Variants in RIC8B observed in about 807,000 individuals in gnomAD.
RIC8B encodes chaperone Ric-8B.
In RIC8B, 16 loss-of-function variants were observed where a neutral mutation model predicts 57.5. The observed-to-expected ratio is 0.28, with a 90% CI of 0.19 to 0.42. The LOEUF (loss-of-function observed/expected upper bound fraction) is 0.42. RIC8B is among the 10% of genes least tolerant of loss of function. The pLI is 1.00. For missense variants in RIC8B, 481 were observed against 677.0 expected, an observed-to-expected ratio of 0.71 and a Z score of 3.21; for synonymous variants, 216 against 250.8, an observed-to-expected ratio of 0.86 and a Z score of 1.31.
In RIC8B at chr12:106,794,383, A is replaced by G. The variant is rs1350021872; in HGVS notation, c.132+10339A>G. 3.9e-5 allele frequency among the ~76,000 whole-genome samples: 6 copies of G among 152,316 alleles called. No homozygotes were observed. The East Asian group carries it at 9.6e-4, about 24-fold the overall frequency. On this transcript the variant is annotated intron_variant, in intron 2 of 9. Transcript: ENST00000392837. The stretch of plus-strand genomic sequence containing the variant: ...AGGAGAGGAGAGAGAAAGAAAGGAG[A>G]AGAAAAATATATTTGAAGAAATAAT...
chr12:106,805,622 G>C (rs987409697), intron 2 of RIC8B, among the ~76,000 whole-genome samples: 6 of 152,126 alleles, frequency 3.9e-5, no homozygotes, highest in African/African-American at 1.2e-4. Flanking sequence ...TTCTGGTCCT[G>C]CTCCCCTTTT....
chr12:106,825,406 T>A (rs1461641670), intron 3 of RIC8B, among the ~76,000 whole-genome samples: 5 of 152,214 alleles, frequency 3.3e-5, no homozygotes, highest in African/African-American at 7.2e-5. Flanking sequence ...ACTTTTATAA[T>A]GGTTAGTAAA....
intron 2 of RIC8B, among the ~76,000 whole-genome samples, chr12:106,805,581 G>A (rs1207604469): frequency 1.3e-5 from 2 of 152,094 alleles, no homozygotes; most frequent in Admixed American, 6.5e-5. Flanking sequence ...CCCTCACTAG[G>A]ATTACTGCAA....
chr12:106,847,779 C>A (rs1251351991), intron 6 of RIC8B, among the ~76,000 whole-genome samples: 1 of 152,186 alleles, frequency 6.6e-6, no homozygotes, highest in East Asian at 1.9e-4. Flanking sequence ...GACTTCGTGT[C>A]TGCCCTCATT....
intron 1 of RIC8B, among the ~76,000 whole-genome samples, chr12:106,782,552 T>G (rs2043813653): frequency 6.6e-6 from 1 of 152,232 alleles, no homozygotes; most frequent in Non-Finnish European, 1.5e-5. Flanking sequence ...CCTGGTTGCC[T>G]GTCACCTATT....
intron 2 of RIC8B, among the ~76,000 whole-genome samples, chr12:106,806,438 C>G (rs1383160473): frequency 6.6e-6 from 1 of 152,174 alleles, no homozygotes; most frequent in Non-Finnish European, 1.5e-5. Flanking sequence ...ATCAGTTTTT[C>G]TTCCCCACAG....
At chr12:106,868,918 C>T (rs142042191) in intron 8 of RIC8B, among the ~76,000 whole-genome samples, 19 of 131,340 alleles carry the variant, frequency 1.4e-4, no homozygotes, top group African/African-American at 5.2e-4. Flanking sequence ...CAAAGTTTCT[C>T]AAGTGATTCT....
At chr12:106,877,751 G>A (rs1258330039) in intron 9 of RIC8B, among the ~76,000 whole-genome samples, 3 of 152,122 alleles carry the variant, frequency 2.0e-5, no homozygotes, top group Admixed American at 1.3e-4. Flanking sequence ...CCGCAGCCCA[G>A]GACGCTTTTG....
chr12:106,801,866 G>T (rs1239813161), intron 2 of RIC8B, among the ~76,000 whole-genome samples: 2 of 152,162 alleles, frequency 1.3e-5, no homozygotes, highest in South Asian at 2.1e-4. Context: ...GCTTATTTTA[G>T]AATTTAATAC....
chr12:106,842,735 A>G lies in RIC8B; in HGVS notation c.983A>G (p.Lys328Arg), dbSNP rs1949013282. The G allele has an allele frequency of 1.2e-6, 2 of 1,613,884 alleles. No individual in the cohort carries two copies. Among genetic ancestry groups the G allele is most frequent in the South Asian group, 1.1e-5 (1 of 91,076 alleles). The change falls in exon 5 of 10, where the codon AAA (lysine) becomes AGA (arginine). Residue 328 changes from lysine (K) to arginine (R), a missense_variant. Transcript: ENST00000392837. ...ACAGCTGAGAAAGAAACAGTTTTGA[A>G]AAACAATACCATGGTATACAATGGT... ...NKTAEKETVL[K>R]NNTMVYNGMN... is the part of the protein sequence containing the mutation.
intron 7 of RIC8B, among the ~76,000 whole-genome samples, chr12:106,853,427 T>G (rs1354823313): frequency 6.8e-6 from 1 of 147,680 alleles, no homozygotes; most frequent in Non-Finnish European, 1.5e-5. Context: ...ATTTTTAATT[T>G]GACCTCAACA....
chr12:106,798,020 A>G (rs1371359163), intron 2 of RIC8B: 4 of 712,386 alleles, frequency 5.6e-6, no homozygotes, highest in African/African-American at 5.3e-5. Flanking sequence ...AAGCTTTGAC[A>G]TTAAACTAGT....
chr12:106,804,544 G>A (rs1328842226), intron 2 of RIC8B, among the ~76,000 whole-genome samples: 1 of 152,198 alleles, frequency 6.6e-6, no homozygotes, highest in Non-Finnish European at 1.5e-5. Flanking sequence ...TACAGGTAAG[G>A]AAGTAAATAA....
chr12:106,805,973 G>C (rs1157529633), intron 2 of RIC8B, among the ~76,000 whole-genome samples: 1 of 151,946 alleles, frequency 6.6e-6, no homozygotes, highest in Non-Finnish European at 1.5e-5. Context: ...TTTTGAGATG[G>C]AGTTTTGCTC....
At chr12:106,791,239 A>G (rs1161269584) in intron 2 of RIC8B, among the ~76,000 whole-genome samples, 1 of 152,194 alleles carries the variant, frequency 6.6e-6, no homozygotes, top group Non-Finnish European at 1.5e-5. Flanking sequence ...AATGGTGACA[A>G]GGAGATAAAT....
At chr12:106,872,937 C>G in intron 9 of RIC8B, 1 of 711,488 alleles carries the variant, frequency 1.4e-6, no homozygotes, top group Non-Finnish European at 1.7e-6. Context: ...AATCCAGATA[C>G]TTGGCTTACT....
chr12:106,804,659 A>T (rs956651710), intron 2 of RIC8B, among the ~76,000 whole-genome samples: 3 of 152,240 alleles, frequency 2.0e-5, no homozygotes, highest in Non-Finnish European at 4.4e-5. Flanking sequence ...TGTCATACTT[A>T]GTATGTATGT....
intron 8 of RIC8B, among the ~76,000 whole-genome samples, chr12:106,870,229 T>C (rs1266294541): frequency 3.3e-5 from 5 of 152,202 alleles, no homozygotes; most frequent in Admixed American, 3.3e-4. Context: ...CTTGGTAGGC[T>C]AGATTTCATC....
intron 1 of RIC8B, among the ~76,000 whole-genome samples, chr12:106,777,439 GA>G (rs1294613467): frequency 6.6e-6 from 1 of 152,130 alleles, no homozygotes; most frequent in Non-Finnish European, 1.5e-5. Flanking sequence ...TCCTTATCTG[GA>G]AAAATGGATT....
Sources: allele counts gnomAD v4.1 joint callset (sites outside exome capture counted in the v4.1 genomes callset), GRCh38; gene constraint gnomAD v4.1.1; transcripts MANE v1.5; gene names NCBI Gene and HGNC (gene_info 2026-07-23, HGNC 2026-07-21).